The following ZNF280C variants were observed in gnomAD, a reference collection of about 807,000 sequenced individuals.
The protein encoded by ZNF280C is zinc finger protein 280C.
ZNF280C carries 14 observed loss-of-function variants against 53.6 expected under a neutral mutation model. That is an observed-to-expected ratio of 0.26 (90% confidence interval 0.17 to 0.41). The LOEUF is 0.41. ZNF280C is among the 10% of genes least tolerant of loss of function. The probability of loss-of-function intolerance (pLI) is 1.00; values close to 1 mark genes in which losing one functional copy is unlikely to be tolerated. For missense variants in ZNF280C, 416 were observed against 547.1 expected (o/e 0.76, Z 2.39); for synonymous variants, 203 against 181.1 (o/e 1.12, Z -0.97).
intron 12 of ZNF280C, among the ~76,000 whole-genome samples, chrX:130,224,851 G>A (rs780382720): frequency 1.5e-4 from 17 of 111,455 alleles, no homozygotes; most frequent in Non-Finnish European, 3.0e-4. Context: ...TTTTTTGTGC[G>A]AATTTTCTTG....
intron 6 of ZNF280C, among the ~76,000 whole-genome samples, chrX:130,236,984 T>A (rs1014306727): frequency 1.8e-5 from 2 of 111,252 alleles, no homozygotes; most frequent in Admixed American, 9.6e-5. Context: ...CCAAGCTAAA[T>A]AAAATAAATA....
intron 8 of ZNF280C, among the ~76,000 whole-genome samples, chrX:130,233,871 T>TA (rs1449726417): frequency 5.5e-5 from 6 of 109,630 alleles, no homozygotes; most frequent in Admixed American, 2.0e-4. Flanking sequence ...CAAGACTACA[T>TA]ACTAAATAAA....
rs2032619322 is a variant in ZNF280C at position 130,260,440 on chromosome X, C to T, written c.10G>A (p.Asp4Asn). ...TTACTTTTTGGTTGAAAAGGTTTGT[C>T]GTCATCCATGAAGTTGCAAGGTCAC... MDD[D>N]KPFQPKNISK... is the part of the protein sequence containing the mutation. Residue 4 changes from aspartate (D) to asparagine (N), a missense_variant, in exon 2 of 19, where the codon GAC becomes AAC. Asp to Asn is a conservative substitution (Grantham distance 23, BLOSUM62 1). Coordinates refer to ENST00000370978, the MANE Select transcript of ZNF280C (RefSeq NM_017666.5). 7 of 1,197,691 alleles carry T rather than the reference C, an allele frequency of 5.8e-6. No homozygotes were observed. The highest frequency in any genetic ancestry group is 6.8e-6 in the Non-Finnish European group (6 of 888,019).
chrX:130,255,606 A>G (rs990320373), intron 2 of ZNF280C, among the ~76,000 whole-genome samples: 1 of 112,017 alleles, frequency 8.9e-6, no homozygotes, highest in African/African-American at 3.2e-5. Context: ...CAGCCAGCAC[A>G]ATGATCAAGA....
intron 15 of ZNF280C, among the ~76,000 whole-genome samples, chrX:130,214,104 G>T (rs209233): frequency 1.8e-5 from 2 of 110,303 alleles, no homozygotes; most frequent in Non-Finnish European, 3.8e-5. Context: ...CTGGCTAGTT[G>T]TATCTTATTT....
chrX:130,204,939 T>G lies in ZNF280C; in HGVS notation c.*38A>C, dbSNP rs371843321. On this transcript the variant is annotated 3_prime_UTR_variant, in exon 19 of 19. Transcript: ENST00000370978. ...TTTGAACTTAGGAACTTCCAACTTG[T>G]CTTGCACCAGGTTGCATGAACTCCA... 6.9e-5 allele frequency: 74 copies of G among 1,068,467 alleles called. No individual in the cohort carries two copies. Among genetic ancestry groups the G allele is most frequent in the Non-Finnish European group, 8.9e-5 (73 of 824,568 alleles). 88.1% of individuals were successfully genotyped at this position (1,068,467 alleles called of 1,213,427 possible). A position where few individuals can be genotyped will look rare whatever the true frequency, so the allele number is the denominator to read the frequency against.
chrX:130,239,523 C>G (rs1483075728), intron 6 of ZNF280C, 59 bp downstream of exon 6: 5 of 678,273 alleles, frequency 7.4e-6, no homozygotes, highest in Non-Finnish European at 1.2e-5. Flanking sequence ...AATTCAATTC[C>G]ATATGTATAT....
intron 2 of ZNF280C, among the ~76,000 whole-genome samples, chrX:130,255,146 T>C (rs912860793): frequency 8.0e-5 from 8 of 100,353 alleles, no homozygotes; most frequent in Non-Finnish European, 1.4e-4. Flanking sequence ...TTTTTCTTTT[T>C]TTTTTTTTTT....
chrX:130,219,442 G>A (rs1331555364), intron 13 of ZNF280C, among the ~76,000 whole-genome samples: 1 of 93,688 alleles, frequency 1.1e-5, no homozygotes, highest in Non-Finnish European at 2.0e-5. Flanking sequence ...AGCTGAGATC[G>A]CGCCACTGCA....
At chrX:130,216,652 C>T (rs1288112667) in intron 13 of ZNF280C, among the ~76,000 whole-genome samples, 1 of 111,805 alleles carries the variant, frequency 8.9e-6, no homozygotes, top group Non-Finnish European at 1.9e-5. Flanking sequence ...TAGAGAAATG[C>T]GAACCCTCAT....
chrX:130,223,706 G>A (rs369955047), intron 12 of ZNF280C, among the ~76,000 whole-genome samples: 3 of 111,750 alleles, frequency 2.7e-5, no homozygotes, highest in Non-Finnish European at 3.8e-5. Flanking sequence ...GGAGTCTTTC[G>A]TCCTTTGTTA....
At chrX:130,228,876 G>A in intron 10 of ZNF280C, 101 bp downstream of exon 10, 1 of 830,708 alleles carries the variant, frequency 1.2e-6, no homozygotes, top group East Asian at 3.3e-5. Context: ...ATATTACAAA[G>A]TCTACTTCTT....
intron 2 of ZNF280C, among the ~76,000 whole-genome samples, chrX:130,254,047 T>G (rs2032540492): frequency 1.8e-5 from 2 of 111,586 alleles, no homozygotes; most frequent in African/African-American, 6.5e-5. Context: ...ATAAAGAACT[T>G]AAACAAATTT....
chrX:130,207,630 G>A (rs111248743), intron 16 of ZNF280C, among the ~76,000 whole-genome samples: 4 of 111,271 alleles, frequency 3.6e-5, no homozygotes, highest in African/African-American at 6.5e-5. Flanking sequence ...CCAAAGTGCT[G>A]GGATTACAGG....
intron 12 of ZNF280C, among the ~76,000 whole-genome samples, chrX:130,222,330 A>C (rs895579650): frequency 4.4e-4 from 42 of 96,415 alleles, no homozygotes; most frequent in African/African-American, 1.3e-3. Context: ...ACACACACAC[A>C]CCCTTCTCTA....
rs1411648139 is a variant in ZNF280C, at chrX:130,211,164, C to T, written c.1980-1449G>A. ...AAGAAAACATCCTCAGAATAGGCACCATGGTGAATACAACGAAAGAGCTTC... is the reference window on the plus strand; with the variant it reads ...AAGAAAACATCCTCAGAATAGGCACTATGGTGAATACAACGAAAGAGCTTC... On this transcript the variant is annotated intron_variant, in intron 15 of 18. Transcript: ENST00000370978. Among the ~76,000 whole-genome samples the T allele has an allele frequency of 2.7e-5, 3 of 111,660 alleles. No homozygotes were observed. The East Asian group carries it at 8.4e-4, about 31-fold the overall frequency.
chrX:130,234,403 A>T (rs1020705121), intron 8 of ZNF280C, among the ~76,000 whole-genome samples: 1 of 112,262 alleles, frequency 8.9e-6, no homozygotes, highest in Non-Finnish European at 1.9e-5. Flanking sequence ...ATATCAAGGG[A>T]AACAGTGGTA....
chrX:130,208,634 G>GT (rs1271747485), intron 16 of ZNF280C, among the ~76,000 whole-genome samples: 1 of 111,023 alleles, frequency 9.0e-6, no homozygotes, highest in Admixed American at 9.6e-5. Flanking sequence ...TTCAGTAAAG[G>GT]TAACACCTAA....
At chrX:130,234,645 T>C (rs933155524) in intron 8 of ZNF280C, among the ~76,000 whole-genome samples, 4 of 112,196 alleles carry the variant, frequency 3.6e-5, no homozygotes, top group African/African-American at 1.3e-4. Context: ...ATTTCCCACA[T>C]ATAATCAACA....
Sources: gnomAD v4.1 joint callset for allele counts (sites outside exome capture counted in the v4.1 genomes callset) on GRCh38, gnomAD v4.1.1 for gene constraint, MANE v1.5 for transcripts, NCBI Gene and HGNC (gene_info 2026-07-23, HGNC 2026-07-21) for gene names.